The following ME3 variants were observed in gnomAD, a reference collection of about 807,000 sequenced individuals.
ME3 encodes the protein NADP-dependent malic enzyme, mitochondrial.
Under a neutral mutation model 68.9 loss-of-function variants are expected in ME3, and 48 were observed. The observed-to-expected ratio is 0.70, with a 90% CI of 0.55 to 0.89. The LOEUF is 0.89. ME3 is among the 40% of genes least tolerant of loss of function. ME3 has a pLI of 0.00. For synonymous variants in ME3, 320 were observed against 318.8 expected (o/e 1.00, Z -0.04); for missense variants, 675 against 797.4 (o/e 0.85, Z 1.85).
At chr11:86,449,937 C>T (rs754314990) in exon 10 of ME3, 3 of 1,614,002 alleles carry the variant, frequency 1.9e-6, no homozygotes, top group Non-Finnish European at 2.5e-6. Context: ...TTCTTGTGGC[C>T]TCTGCCTTCG....
rs755942004 is a variant in ME3, at chr11:86,447,051, G to T, written c.1380+14C>A. 1.6e-5 allele frequency: 26 copies of T among 1,612,588 alleles called. No homozygotes were observed. The highest frequency in any genetic ancestry group is 1.2e-4 in the Admixed American group (7 of 59,746). On this transcript the variant is annotated intron_variant, in intron 12 of 14. Coordinates refer to ENST00000543262, the Ensembl canonical transcript of ME3. ...TGTCCTCTCAGCCGGGGGAAGGAAG[G>T]ACTCCCCGCTGACCTCGGTGACCCG...
chr11:86,528,323 G>T (rs980229069), intron 4 of ME3, among the ~76,000 whole-genome samples: 1 of 152,310 alleles, frequency 6.6e-6, no homozygotes, highest in South Asian at 2.1e-4. Flanking sequence ...AAGTATATAT[G>T]CACTGAATAC....
At chr11:86,486,040 T>C (rs1338246410) in intron 7 of ME3, among the ~76,000 whole-genome samples, 1 of 152,170 alleles carries the variant, frequency 6.6e-6, no homozygotes, top group Non-Finnish European at 1.5e-5. Flanking sequence ...TCTATGCTGA[T>C]GTCCTTGTCT....
chr11:86,611,052 A>G (rs1311715872), intron 2 of ME3, among the ~76,000 whole-genome samples: 2 of 152,170 alleles, frequency 1.3e-5, no homozygotes, highest in African/African-American at 4.8e-5. Flanking sequence ...ATATGTGAAT[A>G]TTATTTAGCC....
Position 86,632,399 on chromosome 11 carries a change from C to T in ME3, c.183+39363G>A, listed in dbSNP as rs539891815. Among the ~76,000 whole-genome samples, 7 of 152,276 alleles carry T rather than the reference C, an allele frequency of 4.6e-5. No homozygotes were observed. The South Asian group carries it at 6.2e-4, about 14-fold the overall frequency. On this transcript the variant is annotated intron_variant, in intron 2 of 14. Coordinates refer to ENST00000543262, the Ensembl canonical transcript of ME3. ...CTCTGTAAGCCAGGTATCTTGGACT[C>T]GCTTCCCTGTGCCTGCTTCTGCCTG...
intron 2 of ME3, among the ~76,000 whole-genome samples, chr11:86,652,333 G>A (rs573031955): frequency 6.3e-4 from 96 of 152,226 alleles, no homozygotes; most frequent in African/African-American, 2.3e-3. Context: ...AATGTTAAGG[G>A]CAGCCAGAGA....
chr11:86,485,265 G>C (rs961698987), intron 7 of ME3, among the ~76,000 whole-genome samples: 11 of 152,194 alleles, frequency 7.2e-5, no homozygotes, highest in African/African-American at 2.7e-4. Flanking sequence ...CAGTCTCTGA[G>C]TCTTCTCTCT....
At chr11:86,450,513 A>G in intron 8 of ME3, 115 bp from the exon 9 acceptor site, 2 of 764,370 alleles carry the variant, frequency 2.6e-6, no homozygotes, top group Non-Finnish European at 4.4e-6. Context: ...AACTTTTCTT[A>G]GCCCTTATGC....
Position 86,497,965 on chromosome 11 carries a change from CATT to C in ME3, c.700_702del (p.Asn234del), listed in dbSNP as rs1388401708. 4.4e-6 allele frequency: 7 copies of C among 1,599,550 alleles called. No individual in the cohort carries two copies. The South Asian group carries it at 4.5e-5, about 10-fold the overall frequency. On this transcript the variant is annotated inframe_deletion, in exon 6 of 15. Transcript: ENST00000543262. The stretch of plus-strand genomic sequence containing the variant: ...TCCTGCCCTGGGCAGTGGGTTACCT[CATT>C]GTTGGTGCCGACGTCCAGCAGCACA...
At chr11:86,580,602 T>G (rs1281123634) in intron 2 of ME3, among the ~76,000 whole-genome samples, 2 of 152,196 alleles carry the variant, frequency 1.3e-5, no homozygotes, top group Admixed American at 1.3e-4. Flanking sequence ...AATACTCTTG[T>G]GGTAGGTATA....
At chr11:86,437,287 T>C (rs146779368), downstream of ME3, 39 of 152,324 alleles carry the variant, frequency 2.6e-4, no homozygotes, top group African/African-American at 8.7e-4. Flanking sequence ...ATATTCATTT[T>C]CTTATCCATT....
At chr11:86,666,567 C>CAGT (rs1336525001) in intron 2 of ME3, among the ~76,000 whole-genome samples, 2 of 152,196 alleles carry the variant, frequency 1.3e-5, no homozygotes, top group Non-Finnish European at 2.9e-5. Context: ...GAAGCTAGGA[C>CAGT]AGTATTCAAC....
intron 4 of ME3, among the ~76,000 whole-genome samples, chr11:86,524,062 T>G (rs1217282796): frequency 6.6e-6 from 1 of 152,230 alleles, no homozygotes; most frequent in Non-Finnish European, 1.5e-5. Context: ...TTAGGCCCCT[T>G]TCCCTGAAAA....
At chr11:86,487,405 T>C (rs761770215) in exon 7 of ME3, 12 of 1,614,088 alleles carry the variant, frequency 7.4e-6, no homozygotes, top group Non-Finnish European at 1.0e-5. Context: ...CGCGCTGGTG[T>C]TTCAGGCCGA....
At chr11:86,542,170 A>G (rs985057884) in intron 4 of ME3, among the ~76,000 whole-genome samples, 1 of 152,230 alleles carries the variant, frequency 6.6e-6, no homozygotes, top group African/African-American at 2.4e-5. Context: ...TCAAAGACCA[A>G]AGGTAGACAA....
intron 4 of ME3, among the ~76,000 whole-genome samples, chr11:86,552,011 A>T (rs1273330442): frequency 6.6e-6 from 1 of 152,198 alleles, no homozygotes; most frequent in Non-Finnish European, 1.5e-5. Flanking sequence ...GCGGTACTTC[A>T]GAGGACTGGG....
intron 2 of ME3, among the ~76,000 whole-genome samples, chr11:86,668,787 C>T (rs568120653): frequency 2.0e-5 from 3 of 152,290 alleles, no homozygotes; most frequent in South Asian, 4.1e-4. Flanking sequence ...CCTAATCTGT[C>T]GAAATGAGCT....
At chr11:86,463,952 T>G (rs1279334676) in intron 8 of ME3, 1 of 218,978 alleles carries the variant, frequency 4.6e-6, no homozygotes, top group African/African-American at 2.3e-5. Context: ...AAGACAGAGA[T>G]GCTAATGTCT....
chr11:86,597,047 T>C (rs948899707), intron 2 of ME3, among the ~76,000 whole-genome samples: 2 of 152,212 alleles, frequency 1.3e-5, no homozygotes, highest in Non-Finnish European at 2.9e-5. Flanking sequence ...GTTAGACAGA[T>C]GGCACAGGCA....
Sources: gnomAD v4.1 joint callset for allele counts (sites outside exome capture counted in the v4.1 genomes callset) on GRCh38, gnomAD v4.1.1 for gene constraint, MANE v1.5 for transcripts, NCBI Gene and HGNC (gene_info 2026-07-23, HGNC 2026-07-21) for gene names.